The following ZNF599 variants were observed in gnomAD, a reference collection of about 807,000 sequenced individuals.
ZNF599 encodes zinc finger protein 599.
Under a neutral mutation model 11.7 loss-of-function variants are expected in ZNF599, and 10 were observed. That is an observed-to-expected ratio of 0.86 (90% CI 0.53 to 1.45). The LOEUF is 1.45. ZNF599 is among the 40% of genes most tolerant of loss of function. The pLI is 0.00. For missense variants in ZNF599, 688 were observed against 713.6 expected (o/e 0.96, Z 0.41); for synonymous variants, 232 against 253.2 (o/e 0.92, Z 0.79).
intron 2 of ZNF599, among the ~76,000 whole-genome samples, chr19:34,768,862 C>T (rs1420198021): frequency 6.6e-6 from 1 of 152,212 alleles, no homozygotes; most frequent in East Asian, 1.9e-4. Context: ...AGATAGCATA[C>T]ATCCATGCCA....
At chr19:34,782,193 G>T in the ZNF599 span, among the ~76,000 whole-genome samples, 2 of 152,206 alleles carry the variant, frequency 1.3e-5, no homozygotes, top group African/African-American at 4.8e-5. Flanking sequence ...CTCCAGTTGG[G>T]CAACTAAATG....
At chr19:34,795,045 TG>T in the ZNF599 span, among the ~76,000 whole-genome samples, 2 of 152,176 alleles carry the variant, frequency 1.3e-5, no homozygotes, top group African/African-American at 4.8e-5. Flanking sequence ...GAAGATGGGA[TG>T]GGTTGGAAGC....
At chr19:34,805,655 C>T in the ZNF599 span, among the ~76,000 whole-genome samples, 1,541 of 152,262 alleles carry the variant, frequency 0.01, 23 homozygotes, top group African/African-American at 0.035. Context: ...TGCCTCCTCC[C>T]TCACTCTCAA....
chr19:34,760,734 T>A (rs1243516134), intron 3 of ZNF599, among the ~76,000 whole-genome samples, 175 bp from the exon 4 acceptor site: 1 of 152,106 alleles, frequency 6.6e-6, no homozygotes, highest in Admixed American at 6.5e-5. Context: ...ACTCTTGAGA[T>A]CTTTAAAAGG....
chr19:34,767,111 A>T (rs2069149107), intron 3 of ZNF599: 2 of 522,800 alleles, frequency 3.8e-6, no homozygotes, highest in Non-Finnish European at 6.9e-6. Flanking sequence ...ATTAAAGCCT[A>T]GAATCTGTCT....
rs1381328572 is a variant in ZNF599 at position 34,767,364 on chromosome 19, G to C, written c.193C>G (p.Gln65Glu). 1 of 1,614,162 alleles carries C rather than the reference G, an allele frequency of 6.2e-7. No individual in the cohort carries two copies. The highest frequency in any genetic ancestry group is 8.5e-7 in the Non-Finnish European group (1 of 1,180,022). Reference sequence around the variant, plus strand: ...CCTCTCTTCACTGTCCACAGTTCCTGTCCATGTTCCAGTAGATAGATCAGC... The same window carrying C: ...CCTCTCTTCACTGTCCACAGTTCCTCTCCATGTTCCAGTAGATAGATCAGC... The part of the protein sequence containing the change: ...PELIYLLEHG[Q>E]ELWTVKRGLS... The change falls in exon 3 of 4, where the codon CAG becomes GAG. Residue 65 changes from glutamine (Q) to glutamate (E), a missense_variant. Gln to Glu is a conservative substitution (Grantham distance 29). Transcript: ENST00000329285.
rs139772998 is a variant in ZNF599, at chr19:34,772,367, C to T, written c.18+457G>A. Reference sequence around the variant, plus strand: ...CCCTCGAGGCTCTCATTCCCTCTCCCAGCTTTTGGTAGGGCCAGACTTCCG... The same window carrying T: ...CCCTCGAGGCTCTCATTCCCTCTCCTAGCTTTTGGTAGGGCCAGACTTCCG... On this transcript the variant is annotated intron_variant, in intron 1 of 3. Transcript: ENST00000329285. 91 of 996,476 alleles carry T rather than the reference C, an allele frequency of 9.1e-5. No homozygotes were observed. The African/African-American group carries it at 1.4e-3, about 16-fold the overall frequency. The allele number at this position is 996,476 out of a possible 1,614,324, so 61.7% of individuals were successfully genotyped here.
At chr19:34,801,194 C>T in the ZNF599 span, among the ~76,000 whole-genome samples, 1 of 152,334 alleles carries the variant, frequency 6.6e-6, no homozygotes, top group East Asian at 1.9e-4. Context: ...AAACCTCATA[C>T]TCTTCCACTA....
the ZNF599 span, among the ~76,000 whole-genome samples, chr19:34,802,866 T>C: frequency 1.3e-5 from 2 of 152,048 alleles, no homozygotes; most frequent in Non-Finnish European, 2.9e-5. Context: ...ACCTGGATAA[T>C]GCAAGAACTA....
chr19:34,798,939 ATCT>A, the ZNF599 span, among the ~76,000 whole-genome samples: 1 of 152,198 alleles, frequency 6.6e-6, no homozygotes, highest in East Asian at 1.9e-4. Context: ...GCAACTATTG[ATCT>A]TCTTACTGTA....
intron 3 of ZNF599, among the ~76,000 whole-genome samples, chr19:34,762,062 C>T (rs964364487): frequency 2.0e-5 from 3 of 152,140 alleles, no homozygotes; most frequent in Admixed American, 1.3e-4. Flanking sequence ...AAGACAAAAT[C>T]GTCTTAAATC....
the ZNF599 span, among the ~76,000 whole-genome samples, chr19:34,783,385 G>A: frequency 2.6e-5 from 4 of 152,182 alleles, no homozygotes; most frequent in Non-Finnish European, 2.9e-5. Context: ...GCTAAGGATC[G>A]AGTAATCTGA....
At chr19:34,781,038 C>T in the ZNF599 span, among the ~76,000 whole-genome samples, 3 of 152,010 alleles carry the variant, frequency 2.0e-5, no homozygotes, top group Non-Finnish European at 4.4e-5. Flanking sequence ...CACCTGTAGT[C>T]CCAGCTACTC....
chr19:34,769,325 A>T, intron 2 of ZNF599, 104 bp downstream of exon 2: 1 of 1,510,252 alleles, frequency 6.6e-7, no homozygotes, highest in Non-Finnish European at 9.1e-7. Context: ...GGCTGCAGGG[A>T]TCAGGGAAGG....
At chr19:34,800,158 G>GT in the ZNF599 span, among the ~76,000 whole-genome samples, 1 of 151,510 alleles carries the variant, frequency 6.6e-6, no homozygotes, top group Non-Finnish European at 1.5e-5. Flanking sequence ...GTTTTAAGTT[G>GT]TTCACCTCAC....
chr19:34,761,050 C>T (rs537001933), intron 3 of ZNF599, among the ~76,000 whole-genome samples: 5 of 152,082 alleles, frequency 3.3e-5, no homozygotes, highest in South Asian at 2.1e-4. Context: ...AGGGAAACTT[C>T]GGCAGATGAA....
chr19:34,794,951 G>T, the ZNF599 span, among the ~76,000 whole-genome samples: 2 of 152,078 alleles, frequency 1.3e-5, no homozygotes, highest in Admixed American at 1.3e-4. Flanking sequence ...ATGGGCATAG[G>T]TCCTGCCTAG....
At position 34,759,448 on chromosome 19, in the gene ZNF599, A is replaced by G. The variant is rs1171726248; in HGVS notation, c.1353T>C (p.Tyr451=). The change falls in exon 4 of 4, where the codon TAT becomes TAC. Residue 451 remains tyrosine, a synonymous_variant. Transcript: ENST00000329285. The part of the protein sequence containing the change: ...HMRIHTGEKP[Y]ECSECGKAFT... Reference sequence around the variant, plus strand: ...AAGCCTTTCCACATTCACTGCACTCATAAGGCTTCTCACCAGTGTGAATCC... The same window carrying G: ...AAGCCTTTCCACATTCACTGCACTCGTAAGGCTTCTCACCAGTGTGAATCC... The G allele has an allele frequency of 3.7e-5, 59 of 1,614,048 alleles. 1 individual carries two copies. In the Admixed American group the frequency reaches 9.7e-4, roughly 26 times the overall value.
At chr19:34,769,658 G>C (rs1157059406) in intron 1 of ZNF599, 103 bp from the exon 2 acceptor site, 1 of 1,413,094 alleles carries the variant, frequency 7.1e-7, no homozygotes, top group Non-Finnish European at 9.6e-7. Flanking sequence ...CTGAACCACT[G>C]AGCAACTCCT....
Sources: allele counts gnomAD v4.1 joint callset (sites outside exome capture counted in the v4.1 genomes callset), GRCh38; gene constraint gnomAD v4.1.1; transcripts MANE v1.5; gene names NCBI Gene and HGNC (gene_info 2026-07-23, HGNC 2026-07-21).